The following TBC1D22A variants were observed in gnomAD, a reference collection of about 807,000 sequenced individuals.
TBC1D22A encodes the protein putative GTPase activator.
In TBC1D22A, 38 loss-of-function variants were observed where a neutral mutation model predicts 60.2. That is an observed-to-expected ratio of 0.63 (90% CI 0.49 to 0.83). TBC1D22A has a LOEUF of 0.83. Among genes scored for constraint, TBC1D22A ranks in the 40% least tolerant of loss-of-function variants. The pLI is 0.00. For synonymous variants in TBC1D22A, 302 were observed against 281.7 expected, an observed-to-expected ratio of 1.07 and a Z score of -0.72; for missense variants, 628 against 701.0, an observed-to-expected ratio of 0.90 and a Z score of 1.18.
chr22:47,096,130 T>C (rs925006931), intron 11 of TBC1D22A, among the ~76,000 whole-genome samples: 2 of 152,348 alleles, frequency 1.3e-5, no homozygotes, highest in African/African-American at 4.8e-5. Context: ...CAAAAAGATT[T>C]GTTTCATTTT....
chr22:46,787,876 T>C (rs2084228239), intron 1 of TBC1D22A, among the ~76,000 whole-genome samples: 1 of 151,704 alleles, frequency 6.6e-6, no homozygotes, highest in African/African-American at 2.4e-5. Flanking sequence ...CCTTATGTCC[T>C]ATATGTCACT....
chr22:46,997,826 C>T, intron 10 of TBC1D22A, 117 bp downstream of exon 10: 1 of 818,542 alleles, frequency 1.2e-6, no homozygotes, highest in Non-Finnish European at 2.0e-6. Flanking sequence ...CTCAGGATCC[C>T]TCATGGGCAT....
intron 12 of TBC1D22A, among the ~76,000 whole-genome samples, chr22:47,125,944 G>A (rs1029925913): frequency 6.6e-6 from 1 of 152,220 alleles, no homozygotes; most frequent in African/African-American, 2.4e-5. Flanking sequence ...CTCAGAGCAC[G>A]TGGGAACACA....
At chr22:46,774,877 A>T (rs1322567056) in intron 1 of TBC1D22A, among the ~76,000 whole-genome samples, 2 of 152,130 alleles carry the variant, frequency 1.3e-5, no homozygotes, top group Non-Finnish European at 2.9e-5. Context: ...CGCTGTGTGC[A>T]CCGGAGCCCG....
chr22:46,766,021 G>A (rs1368211064), intron 1 of TBC1D22A, among the ~76,000 whole-genome samples: 4 of 134,998 alleles, frequency 3.0e-5, no homozygotes, highest in East Asian at 2.3e-4. Context: ...TTTTTGAGAC[G>A]GAGTCTCACT....
At chr22:47,067,462 G>A (rs1431469950) in intron 11 of TBC1D22A, among the ~76,000 whole-genome samples, 5 of 152,362 alleles carry the variant, frequency 3.3e-5, no homozygotes, top group Admixed American at 2.0e-4. Context: ...ATGGGCATTA[G>A]CATATAAAAG....
intron 10 of TBC1D22A, among the ~76,000 whole-genome samples, chr22:47,032,600 G>A (rs574588103): frequency 2.6e-5 from 4 of 152,322 alleles, no homozygotes; most frequent in Admixed American, 2.0e-4. Flanking sequence ...CACAGCACTC[G>A]TGTCCTGGTG....
intron 12 of TBC1D22A, among the ~76,000 whole-genome samples, chr22:47,156,250 A>G (rs2067713746): frequency 6.6e-6 from 1 of 152,234 alleles, no homozygotes; most frequent in African/African-American, 2.4e-5. Flanking sequence ...ACAGCAGTTC[A>G]GGCTCCTGGC....
intron 8 of TBC1D22A, among the ~76,000 whole-genome samples, chr22:46,941,283 A>G (rs1026725906): frequency 1.3e-5 from 2 of 149,552 alleles, no homozygotes; most frequent in African/African-American, 2.5e-5. Context: ...GCACACATAT[A>G]TATGTATATA....
chr22:47,056,980 C>G (rs1345615902), intron 11 of TBC1D22A, among the ~76,000 whole-genome samples: 4 of 152,328 alleles, frequency 2.6e-5, no homozygotes, highest in South Asian at 4.1e-4. Flanking sequence ...CCTACACTGC[C>G]TTTCCCTGCC....
intron 10 of TBC1D22A, among the ~76,000 whole-genome samples, chr22:47,025,155 C>A (rs937262979): frequency 1.4e-4 from 21 of 152,182 alleles, no homozygotes; most frequent in Admixed American, 9.2e-4. Context: ...GACAGAGACA[C>A]AGTCACTGAA....
intron 10 of TBC1D22A, among the ~76,000 whole-genome samples, chr22:47,007,564 A>G (rs1288202952): frequency 4.6e-5 from 7 of 152,234 alleles, no homozygotes; most frequent in African/African-American, 1.7e-4. Flanking sequence ...TTTGGATGCC[A>G]CAAGTCCAAG....
chr22:46,866,954 A>G (rs1283416048), intron 4 of TBC1D22A, among the ~76,000 whole-genome samples: 6 of 152,224 alleles, frequency 3.9e-5, no homozygotes, highest in African/African-American at 1.4e-4. Flanking sequence ...GATTCCCTTC[A>G]CAAACGTTTT....
chr22:46,847,954 T>TGTGCGC (rs1389221108), intron 4 of TBC1D22A, among the ~76,000 whole-genome samples: 1 of 53,866 alleles, frequency 1.9e-5, no homozygotes, highest in East Asian at 3.7e-4. Context: ...TGTGTGTGTG[T>TGTGCGC]GCGCGCGCGC....
intron 7 of TBC1D22A, 118 bp from the exon 8 acceptor site, chr22:46,911,956 T>A: frequency 1.5e-6 from 1 of 674,738 alleles, no homozygotes; most frequent in South Asian, 1.9e-5. Context: ...TATATTTGTA[T>A]CTTAATATTA....
At chr22:47,122,054 C>G (rs559333322) in intron 12 of TBC1D22A, among the ~76,000 whole-genome samples, 1 of 152,200 alleles carries the variant, frequency 6.6e-6, no homozygotes, top group Non-Finnish European at 1.5e-5. Flanking sequence ...GCACACAGGC[C>G]CATGGCCCTC....
At chr22:47,058,066 A>G (rs968419146) in intron 11 of TBC1D22A, among the ~76,000 whole-genome samples, 7 of 152,184 alleles carry the variant, frequency 4.6e-5, no homozygotes, top group Non-Finnish European at 8.8e-5. Flanking sequence ...TTGCAGGCCA[A>G]GGGACTGGCA....
At chr22:46,839,206 A>G (rs2086645801) in intron 4 of TBC1D22A, among the ~76,000 whole-genome samples, 1 of 152,168 alleles carries the variant, frequency 6.6e-6, no homozygotes, top group Non-Finnish European at 1.5e-5. Context: ...ACTAACAACA[A>G]CTCTCCAAGA....
chr22:46,871,648 A>G (rs2067298402), intron 4 of TBC1D22A, among the ~76,000 whole-genome samples: 1 of 152,242 alleles, frequency 6.6e-6, no homozygotes, highest in East Asian at 1.9e-4. Context: ...CTGAATGATA[A>G]TGACAACAGG....
Sources: gnomAD v4.1 joint callset for allele counts (sites outside exome capture counted in the v4.1 genomes callset) on GRCh38, gnomAD v4.1.1 for gene constraint, MANE v1.5 for transcripts, NCBI Gene and HGNC (gene_info 2026-07-23, HGNC 2026-07-21) for gene names.